The following GABBR2 variants were observed in gnomAD, a reference collection of about 807,000 sequenced individuals.
The protein encoded by GABBR2 is gamma-aminobutyric acid type B receptor subunit 2.
GABBR2 carries 23 observed loss-of-function variants against 105.6 expected under a neutral mutation model. The ratio of observed to expected loss-of-function variants is 0.22; its 90% CI spans 0.16 to 0.31. The LOEUF (loss-of-function observed/expected upper bound fraction) is 0.31. Ranked by LOEUF, GABBR2 falls within the 10% of genes least tolerant of loss-of-function variation. The pLI is 1.00. For synonymous variants in GABBR2, 478 were observed against 499.7 expected, an observed-to-expected ratio of 0.96 and a Z score of 0.58; for missense variants, 734 against 1,245.5, an observed-to-expected ratio of 0.59 and a Z score of 6.18.
chr9:98,704,221 C>T (rs1403482191), intron 1 of GABBR2, among the ~76,000 whole-genome samples: 2 of 152,154 alleles, frequency 1.3e-5, no homozygotes, highest in Non-Finnish European at 2.9e-5. Flanking sequence ...TCCTTTAAAT[C>T]CTTTTTAAAG....
intron 1 of GABBR2, among the ~76,000 whole-genome samples, chr9:98,580,552 C>T (rs1291963889): frequency 6.6e-6 from 1 of 152,162 alleles, no homozygotes; most frequent in Non-Finnish European, 1.5e-5. Context: ...CTTTGGGAGG[C>T]TGAGGCAGGC....
intron 1 of GABBR2, among the ~76,000 whole-genome samples, chr9:98,604,157 C>T (rs147520299): frequency 2.0e-5 from 3 of 152,326 alleles, no homozygotes; most frequent in East Asian, 1.9e-4. Context: ...CCTACCAAAC[C>T]GGAATCTCTA....
intron 2 of GABBR2, among the ~76,000 whole-genome samples, chr9:98,560,390 C>T (rs771659354): frequency 4.0e-5 from 6 of 150,456 alleles, no homozygotes; most frequent in Middle Eastern, 3.4e-3. Flanking sequence ...CGTGCGTGTG[C>T]GCATACACAC....
intron 1 of GABBR2, among the ~76,000 whole-genome samples, chr9:98,704,548 C>A (rs337555): frequency 6.6e-6 from 1 of 152,078 alleles, no homozygotes; most frequent in South Asian, 2.1e-4. Context: ...TGGGGAAAAA[C>A]CCATGATACA....
At chr9:98,641,854 G>C (rs969303337) in intron 1 of GABBR2, among the ~76,000 whole-genome samples, 7 of 152,158 alleles carry the variant, frequency 4.6e-5, no homozygotes, top group African/African-American at 1.7e-4. Flanking sequence ...TAAAAGGAGA[G>C]AAGGCAGCAC....
chr9:98,663,151 T>C (rs1830288575), intron 1 of GABBR2, among the ~76,000 whole-genome samples: 2 of 151,618 alleles, frequency 1.3e-5, no homozygotes, highest in Admixed American at 1.3e-4. Flanking sequence ...ATGCCAGAAC[T>C]GTCATCAAGA....
intron 12 of GABBR2, among the ~76,000 whole-genome samples, chr9:98,370,792 T>C (rs1053889533): frequency 3.9e-5 from 6 of 152,166 alleles, no homozygotes; most frequent in African/African-American, 9.7e-5. Flanking sequence ...ATAAAGTTTC[T>C]CTATGACTAA....
intron 1 of GABBR2, among the ~76,000 whole-genome samples, chr9:98,663,310 G>A (rs887975704): frequency 6.6e-6 from 1 of 152,168 alleles, no homozygotes; most frequent in Non-Finnish European, 1.5e-5. Context: ...GGGTCATGGA[G>A]ATATTCAGTG....
At chr9:98,564,302 G>T (rs1828720541) in intron 2 of GABBR2, among the ~76,000 whole-genome samples, 1 of 152,204 alleles carries the variant, frequency 6.6e-6, no homozygotes. Flanking sequence ...CTTGTGGCCT[G>T]CTTGCAGCAG....
intron 13 of GABBR2, among the ~76,000 whole-genome samples, chr9:98,350,166 T>G (rs1470217085): frequency 1.1e-5 from 1 of 91,760 alleles, no homozygotes; most frequent in Non-Finnish European, 2.4e-5. Flanking sequence ...GGTTTATTGA[T>G]TTTATCTTCT....
intron 1 of GABBR2, among the ~76,000 whole-genome samples, chr9:98,580,732 G>A (rs1484477452): frequency 6.6e-6 from 1 of 152,170 alleles, no homozygotes; most frequent in Non-Finnish European, 1.5e-5. Context: ...AGGTTGCAGT[G>A]AGCCGAGATC....
intron 10 of GABBR2, among the ~76,000 whole-genome samples, chr9:98,387,031 G>A (rs956868886): frequency 6.6e-6 from 1 of 152,092 alleles, no homozygotes; most frequent in Admixed American, 6.5e-5. Context: ...TTTGTAAACC[G>A]TGAACTACTT....
At chr9:98,600,747 A>C (rs570634301) in intron 1 of GABBR2, among the ~76,000 whole-genome samples, 1 of 152,326 alleles carries the variant, frequency 6.6e-6, no homozygotes, top group East Asian at 1.9e-4. Context: ...ACACCTAGCC[A>C]GTCTCAAGTC....
intron 3 of GABBR2, among the ~76,000 whole-genome samples, chr9:98,512,962 A>C (rs1175975550): frequency 6.6e-6 from 1 of 151,620 alleles, no homozygotes; most frequent in Non-Finnish European, 1.5e-5. Flanking sequence ...ATCCTAAGCC[A>C]AAAGAACAAA....
At chr9:98,595,146 C>T (rs1354500907) in intron 1 of GABBR2, among the ~76,000 whole-genome samples, 3 of 152,084 alleles carry the variant, frequency 2.0e-5, no homozygotes, top group Admixed American at 1.3e-4. Flanking sequence ...GAGATCAAGG[C>T]GCCAGCAGAT....
intron 2 of GABBR2, among the ~76,000 whole-genome samples, chr9:98,554,495 T>C (rs1828551078): frequency 6.6e-6 from 1 of 152,198 alleles, no homozygotes; most frequent in Non-Finnish European, 1.5e-5. Context: ...ACAAAAATCG[T>C]ACGTATATTT....
chr9:98,435,543 ACAGC>A (rs1339707717), intron 7 of GABBR2, among the ~76,000 whole-genome samples: 1 of 152,002 alleles, frequency 6.6e-6, no homozygotes, highest in Admixed American at 6.6e-5. Flanking sequence ...TCTCCCCACC[ACAGC>A]CAGAGGGAGC....
intron 17 of GABBR2, among the ~76,000 whole-genome samples, chr9:98,298,938 C>T (rs1035979250): frequency 6.6e-6 from 1 of 152,172 alleles, no homozygotes; most frequent in South Asian, 2.1e-4. Context: ...AATGTGCCTG[C>T]CCCCAGTCAG....
intron 1 of GABBR2, among the ~76,000 whole-genome samples, chr9:98,701,136 G>C (rs1830824971): frequency 6.6e-6 from 1 of 152,150 alleles, no homozygotes; most frequent in African/African-American, 2.4e-5. Context: ...TCAGACCTCT[G>C]TATGAAGAAG....
Sources: allele counts gnomAD v4.1 joint callset (sites outside exome capture counted in the v4.1 genomes callset), GRCh38; gene constraint gnomAD v4.1.1; transcripts MANE v1.5; gene names NCBI Gene and HGNC (gene_info 2026-07-23, HGNC 2026-07-21).